Variants in PRKAG2 observed in about 807,000 individuals in gnomAD.
PRKAG2 encodes 5'-AMP-activated protein kinase subunit gamma-2.
PRKAG2 carries 26 observed loss-of-function variants against 69.6 expected under a neutral mutation model. The observed-to-expected ratio is 0.37, with a 90% CI of 0.27 to 0.52. The LOEUF (loss-of-function observed/expected upper bound fraction) is 0.52. PRKAG2 is among the 20% of genes least tolerant of loss of function. The pLI, the probability that PRKAG2 is intolerant of heterozygous loss-of-function variation, is 0.90. For synonymous variants in PRKAG2, 293 were observed against 285.0 expected, an observed-to-expected ratio of 1.03 and a Z score of -0.28; for missense variants, 557 against 740.0, an observed-to-expected ratio of 0.75 and a Z score of 2.87.
chr7:151,782,371 G>GGAA (rs2076749386), intron 2 of PRKAG2, among the ~76,000 whole-genome samples: 5 of 22,020 alleles, frequency 2.3e-4, no homozygotes, highest in Admixed American at 5.4e-4. Flanking sequence ...GAGGGAGGGA[G>GGAA]GGAAGGAAAG....
At chr7:151,591,043 G>A (rs1278622239) in intron 6 of PRKAG2, among the ~76,000 whole-genome samples, 2 of 152,166 alleles carry the variant, frequency 1.3e-5, no homozygotes, top group African/African-American at 2.4e-5. Context: ...GCATTGGCAC[G>A]GATTTGTCAT....
At chr7:151,859,266 C>T (rs1269699814) in intron 1 of PRKAG2, among the ~76,000 whole-genome samples, 3 of 152,176 alleles carry the variant, frequency 2.0e-5, no homozygotes, top group Non-Finnish European at 2.9e-5. Flanking sequence ...TCAGACGGGG[C>T]GGGGCGAGGT....
chr7:151,674,057 GGT>G, intron 4 of PRKAG2, among the ~76,000 whole-genome samples: 1 of 152,048 alleles, frequency 6.6e-6, no homozygotes, highest in African/African-American at 2.4e-5. Flanking sequence ...TGGCCAGGCT[GGT>G]CTGGAACTCC....
At chr7:151,773,156 G>A (rs1261656642) in intron 3 of PRKAG2, among the ~76,000 whole-genome samples, 1 of 136,196 alleles carries the variant, frequency 7.3e-6, no homozygotes, top group Non-Finnish European at 1.5e-5. Context: ...AAGGAAGGAA[G>A]GAAGGGAAGC....
At chr7:151,623,207 T>C (rs1479517368) in intron 5 of PRKAG2, among the ~76,000 whole-genome samples, 3 of 151,450 alleles carry the variant, frequency 2.0e-5, no homozygotes, top group Non-Finnish European at 2.9e-5. Flanking sequence ...TCTACAAAAA[T>C]ACAAAAATTG....
At chr7:151,829,871 G>C (rs2078985273) in intron 1 of PRKAG2, among the ~76,000 whole-genome samples, 1 of 151,768 alleles carries the variant, frequency 6.6e-6, no homozygotes, top group African/African-American at 2.4e-5. Flanking sequence ...CCTGGAGGGG[G>C]ACGGTGGCCC....
At chr7:151,759,983 A>G (rs960368593) in intron 3 of PRKAG2, among the ~76,000 whole-genome samples, 2 of 152,234 alleles carry the variant, frequency 1.3e-5, no homozygotes, top group African/African-American at 4.8e-5. Context: ...GGCTGTCCCA[A>G]GATGTGGACT....
At chr7:151,757,647 C>T (rs1004078190) in intron 3 of PRKAG2, among the ~76,000 whole-genome samples, 1 of 152,206 alleles carries the variant, frequency 6.6e-6, no homozygotes, top group African/African-American at 2.4e-5. Flanking sequence ...TTACTTCCAT[C>T]CAGCGGATCC....
At position 151,855,367 on chromosome 7, in the gene PRKAG2, CCA is replaced by C. The variant is rs1358819968; in HGVS notation, c.114+21138_114+21139del. Among the ~76,000 whole-genome samples, 76 of 36,644 alleles carry C rather than the reference CCA, an allele frequency of 2.1e-3. 11 individuals are homozygous for C. Among genetic ancestry groups the C allele is most frequent in the Admixed American group, 2.4e-3 (7 of 2,914 alleles). The allele number at this position is 36,644 out of a possible 152,430, so 24.0% of individuals were successfully genotyped here. On this transcript the variant is annotated intron_variant, in intron 1 of 15. Transcript: ENST00000287878. ...CACCATGCTCCACACACACCGCCCT[CCA>C]CACACACCGCCCTCCACACACACCA...
chr7:151,800,866 G>A (rs1439013389), intron 1 of PRKAG2, among the ~76,000 whole-genome samples: 1 of 152,146 alleles, frequency 6.6e-6, no homozygotes, highest in East Asian at 1.9e-4. Flanking sequence ...ATCAACAGAA[G>A]CTCAATGGTA....
chr7:151,610,172 T>C (rs1277170964), intron 5 of PRKAG2, among the ~76,000 whole-genome samples: 1 of 152,092 alleles, frequency 6.6e-6, no homozygotes, highest in Non-Finnish European at 1.5e-5. Flanking sequence ...GAGACCATCC[T>C]GGCTAACACG....
intron 6 of PRKAG2, among the ~76,000 whole-genome samples, chr7:151,587,743 G>A (rs941102071): frequency 6.6e-6 from 1 of 152,186 alleles, no homozygotes; most frequent in African/African-American, 2.4e-5. Flanking sequence ...TGTCTGAGAA[G>A]CTGTCCCACC....
intron 5 of PRKAG2, among the ~76,000 whole-genome samples, chr7:151,603,882 AGG>A (rs1480398417): frequency 2.6e-5 from 4 of 152,224 alleles, no homozygotes; most frequent in African/African-American, 9.6e-5. Flanking sequence ...AATTATGTAC[AGG>A]AGAGTTATTT....
At chr7:151,672,538 T>C (rs1832223932) in intron 4 of PRKAG2, among the ~76,000 whole-genome samples, 1 of 152,038 alleles carries the variant, frequency 6.6e-6, no homozygotes, top group South Asian at 2.1e-4. Context: ...AACTCATCTT[T>C]TCCCCTCCCC....
intron 1 of PRKAG2, among the ~76,000 whole-genome samples, chr7:151,831,361 A>G (rs915970514): frequency 5.3e-5 from 8 of 152,250 alleles, no homozygotes; most frequent in African/African-American, 1.9e-4. Context: ...AATGAGCAAA[A>G]CATGGTATAT....
chr7:151,839,632 T>C (rs1341284709), intron 1 of PRKAG2, among the ~76,000 whole-genome samples: 1 of 152,200 alleles, frequency 6.6e-6, no homozygotes, highest in African/African-American at 2.4e-5. Flanking sequence ...GAGGGTGTCA[T>C]GGAGACGCCG....
At chr7:151,693,088 C>T (rs137987598) in intron 3 of PRKAG2, among the ~76,000 whole-genome samples, 73 of 152,346 alleles carry the variant, frequency 4.8e-4, no homozygotes, top group Non-Finnish European at 8.2e-4. Flanking sequence ...CCCGCCCTCA[C>T]CTTCCACCAG....
intron 5 of PRKAG2, among the ~76,000 whole-genome samples, chr7:151,611,353 C>T (rs781560815): frequency 2.6e-5 from 4 of 152,186 alleles, no homozygotes; most frequent in Admixed American, 6.5e-5. Flanking sequence ...ATGCTTGCTG[C>T]GGTTTCAAAG....
intron 1 of PRKAG2, among the ~76,000 whole-genome samples, chr7:151,843,299 G>A (rs1034387209): frequency 2.0e-5 from 3 of 152,122 alleles, no homozygotes; most frequent in Admixed American, 6.5e-5. Context: ...TCACGTTGTC[G>A]TTTCCTGAAG....
Sources: allele counts gnomAD v4.1 joint callset (sites outside exome capture counted in the v4.1 genomes callset), GRCh38; gene constraint gnomAD v4.1.1; transcripts MANE v1.5; gene names NCBI Gene and HGNC (gene_info 2026-07-23, HGNC 2026-07-21).